PDSS2: variants seen among roughly 807,000 people sequenced by gnomAD.
PDSS2 encodes decaprenyl diphosphate synthase subunit 2, also known as all trans-polyprenyl-diphosphate synthase PDSS2.
Under a neutral mutation model 44.5 loss-of-function variants are expected in PDSS2, and 31 were observed. That is an observed-to-expected ratio of 0.70 (90% CI 0.52 to 0.94). The LOEUF (loss-of-function observed/expected upper bound fraction) is 0.94. PDSS2 is among the 40% of genes least tolerant of loss of function. The pLI, the probability that PDSS2 is intolerant of heterozygous loss-of-function variation, is 0.00. For synonymous variants in PDSS2, 157 were observed against 180.3 expected (o/e 0.87, Z 1.03); for missense variants, 452 against 482.2 (o/e 0.94, Z 0.59).
chr6:107,412,931 T>A (rs1056345694), intron 1 of PDSS2, among the ~76,000 whole-genome samples: 1 of 152,236 alleles, frequency 6.6e-6, no homozygotes, highest in Non-Finnish European at 1.5e-5. Flanking sequence ...CCCACTGATA[T>A]GAGATACTGC....
chr6:107,197,661 G>A (rs1234504968), intron 6 of PDSS2, among the ~76,000 whole-genome samples: 1 of 152,066 alleles, frequency 6.6e-6, no homozygotes, highest in Non-Finnish European at 1.5e-5. Context: ...TTTTGAGTGT[G>A]TTTTCTTCCA....
At chr6:107,335,341 T>C (rs1371156315) in intron 1 of PDSS2, among the ~76,000 whole-genome samples, 6 of 152,156 alleles carry the variant, frequency 3.9e-5, no homozygotes, top group Admixed American at 2.6e-4. Context: ...GAAACTGACA[T>C]ATAAATCACA....
chr6:107,258,591 C>G (rs553328228), intron 3 of PDSS2, among the ~76,000 whole-genome samples: 176 of 152,282 alleles, frequency 1.2e-3, no homozygotes, highest in African/African-American at 4.1e-3. Context: ...CACCTGAGGT[C>G]AGGAGTTCAA....
chr6:107,267,592 T>C (rs1294268390), intron 3 of PDSS2, among the ~76,000 whole-genome samples: 2 of 149,784 alleles, frequency 1.3e-5, no homozygotes, highest in Admixed American at 6.6e-5. Context: ...CTCTTTCTTT[T>C]TTTTTTTTTT....
chr6:107,234,157 C>A (rs1774147863), intron 4 of PDSS2, among the ~76,000 whole-genome samples: 1 of 152,012 alleles, frequency 6.6e-6, no homozygotes, highest in Non-Finnish European at 1.5e-5. Flanking sequence ...ATAATCACTC[C>A]AACTTCCTTT....
intron 2 of PDSS2, among the ~76,000 whole-genome samples, chr6:107,332,993 G>A (rs1030003908): frequency 3.3e-5 from 5 of 152,204 alleles, no homozygotes; most frequent in African/African-American, 1.2e-4. Flanking sequence ...GCTTGCTAAT[G>A]AGGAAGGATC....
intron 1 of PDSS2, among the ~76,000 whole-genome samples, chr6:107,344,791 G>A (rs960895840): frequency 3.9e-5 from 6 of 152,040 alleles, no homozygotes; most frequent in East Asian, 3.9e-4. Context: ...ATAAAATGTC[G>A]TGATCAATCA....
chr6:107,243,700 G>A (rs371844602), intron 4 of PDSS2, among the ~76,000 whole-genome samples: 1 of 152,292 alleles, frequency 6.6e-6, no homozygotes, highest in East Asian at 1.9e-4. Context: ...AGATATGGGA[G>A]CGGGTACGGG....
intron 4 of PDSS2, among the ~76,000 whole-genome samples, chr6:107,236,942 C>CTT (rs541953143): frequency 6.9e-6 from 1 of 143,966 alleles, no homozygotes. Flanking sequence ...ACTGAATTAT[C>CTT]TTTTTTTTTT....
rs975844713 is a variant in PDSS2, at chr6:107,360,744, G to A, written c.297-26412C>T. On this transcript the variant is annotated intron_variant, in intron 1 of 7. Transcript: ENST00000369037. ...ATTGTGAAAGAAGAGAGCGGTCTGT[G>A]TTTTCACAAAGGGATGCCTACAGGC... Among the ~76,000 whole-genome samples, 5 of 152,176 alleles carry A rather than the reference G, an allele frequency of 3.3e-5. No individual in the cohort carries two copies. The East Asian group carries it at 9.6e-4, about 29-fold the overall frequency.
At chr6:107,226,201 C>T (rs912972970) in intron 4 of PDSS2, among the ~76,000 whole-genome samples, 45 of 152,020 alleles carry the variant, frequency 3.0e-4, no homozygotes, top group Admixed American at 2.8e-3. Context: ...CCCAGCTACT[C>T]GGGAGGCTGA....
At chr6:107,422,354 G>T (rs1780853733) in intron 1 of PDSS2, among the ~76,000 whole-genome samples, 1 of 151,906 alleles carries the variant, frequency 6.6e-6, no homozygotes, top group South Asian at 2.1e-4. Flanking sequence ...TCCAAGGTTA[G>T]TAAGAACAAG....
intron 2 of PDSS2, among the ~76,000 whole-genome samples, chr6:107,274,708 T>G (rs1173493286): frequency 6.7e-6 from 1 of 148,342 alleles, no homozygotes. Context: ...GGTCTCACTC[T>G]GTCACCCAGG....
intron 7 of PDSS2, among the ~76,000 whole-genome samples, chr6:107,186,565 G>T (rs554413892): frequency 6.6e-6 from 1 of 152,236 alleles, no homozygotes; most frequent in African/African-American, 2.4e-5. Context: ...TGCCATGGTG[G>T]TTTGTGCACC....
intron 1 of PDSS2, among the ~76,000 whole-genome samples, chr6:107,456,466 G>A (rs957741862): frequency 6.6e-6 from 1 of 152,142 alleles, no homozygotes; most frequent in Non-Finnish European, 1.5e-5. Flanking sequence ...GTCACATAAG[G>A]TCATATGCAA....
intron 7 of PDSS2, among the ~76,000 whole-genome samples, chr6:107,156,037 C>G (rs1314837187): frequency 6.7e-6 from 1 of 149,834 alleles, no homozygotes; most frequent in Non-Finnish European, 1.5e-5. Context: ...TTACAGGCGC[C>G]TGCCACCACA....
At chr6:107,442,922 G>A (rs1343883286) in intron 1 of PDSS2, among the ~76,000 whole-genome samples, 2 of 152,122 alleles carry the variant, frequency 1.3e-5, no homozygotes, top group African/African-American at 2.4e-5. Flanking sequence ...TCATCTCGTT[G>A]AGACCTTTTG....
At chr6:107,232,631 A>G (rs1470994307) in intron 4 of PDSS2, among the ~76,000 whole-genome samples, 1 of 152,026 alleles carries the variant, frequency 6.6e-6, no homozygotes. Flanking sequence ...TTGTTCATCT[A>G]TTCATGTGAT....
Position 107,225,155 on chromosome 6 carries a change from A to ATATT in PDSS2, c.703-12874_703-12873insAATA, listed in dbSNP as rs1554256060. ...TATATTTTTATATATATATATATATATATATATTTTTTTTTTTTTTTTTTT... is the reference window on the plus strand; with the variant it reads ...TATATTTTTATATATATATATATATATATTTATATATTTTTTTTTTTTTTTTTTT... On this transcript the variant is annotated intron_variant, in intron 4 of 7. Coordinates refer to ENST00000369037, the MANE Select transcript of PDSS2 (RefSeq NM_020381.4). Among the ~76,000 whole-genome samples the ATATT allele has an allele frequency of 9.5e-4, 49 of 51,448 alleles. 2 individuals are homozygous for ATATT. The highest frequency in any genetic ancestry group is 3.4e-3 in the South Asian group (5 of 1,470). 33.8% of individuals were successfully genotyped at this position (51,448 alleles called of 152,430 possible). A position where few individuals can be genotyped will look rare whatever the true frequency, so the allele number is the denominator to read the frequency against.
Sources: gnomAD v4.1 joint callset for allele counts (sites outside exome capture counted in the v4.1 genomes callset) on GRCh38, gnomAD v4.1.1 for gene constraint, MANE v1.5 for transcripts, NCBI Gene and HGNC (gene_info 2026-07-23, HGNC 2026-07-21) for gene names.